The following P3H2 variants were observed in gnomAD, a reference collection of about 807,000 sequenced individuals.
P3H2 encodes prolyl 3-hydroxylase 2.
Under a neutral mutation model 87.0 loss-of-function variants are expected in P3H2, and 80 were observed. The ratio of observed to expected loss-of-function variants is 0.92; its 90% confidence interval spans 0.77 to 1.11. The LOEUF is 1.11. Among genes scored for constraint, P3H2 ranks in the 50% least tolerant of loss-of-function variants. P3H2 has a pLI of 0.00. For missense variants in P3H2, 1,001 were observed against 923.9 expected, an observed-to-expected ratio of 1.08 and a Z score of -1.08; for synonymous variants, 367 against 359.3, an observed-to-expected ratio of 1.02 and a Z score of -0.24.
chr3:190,118,742 T>TG (rs924346018), intron 1 of P3H2, among the ~76,000 whole-genome samples: 4 of 152,010 alleles, frequency 2.6e-5, no homozygotes, highest in African/African-American at 9.7e-5. Context: ...AGAGATCTTG[T>TG]GGGATGAGCT....
chr3:190,002,423 T>A (rs1358907864), intron 1 of P3H2, among the ~76,000 whole-genome samples: 1 of 150,840 alleles, frequency 6.6e-6, no homozygotes, highest in African/African-American at 2.4e-5. Flanking sequence ...TTTTTTTGAG[T>A]TGGAATCTCG....
At chr3:189,969,680 T>C in intron 13 of P3H2, 2 of 1,274,836 alleles carry the variant, frequency 1.6e-6, no homozygotes, top group Non-Finnish European at 2.3e-6. Context: ...CTGCCTCCCA[T>C]GCCTTGCAAG....
chr3:190,114,336 A>T (rs995393299), intron 1 of P3H2, among the ~76,000 whole-genome samples: 24 of 151,024 alleles, frequency 1.6e-4, no homozygotes, highest in East Asian at 4.0e-4. Flanking sequence ...GGCGCCTGCC[A>T]CCACGCCCGC....
At chr3:189,970,276 G>GTATATATA (rs1157145895) in intron 13 of P3H2, among the ~76,000 whole-genome samples, 2 of 135,646 alleles carry the variant, frequency 1.5e-5, no homozygotes, top group Non-Finnish European at 3.1e-5. Context: ...TTATATGTGT[G>GTATATATA]TATATATATT....
At chr3:190,103,895 G>A (rs545366852) in intron 1 of P3H2, among the ~76,000 whole-genome samples, 18 of 152,030 alleles carry the variant, frequency 1.2e-4, no homozygotes, top group African/African-American at 3.6e-4. Context: ...AGGTTCAACC[G>A]ATTCTCGTGC....
chr3:190,080,353 G>A (rs1163308261), intron 1 of P3H2, among the ~76,000 whole-genome samples: 3 of 152,162 alleles, frequency 2.0e-5, no homozygotes, highest in Admixed American at 6.6e-5. Context: ...ATCTGATCAT[G>A]TTGGCATAGC....
intron 1 of P3H2, among the ~76,000 whole-genome samples, chr3:190,064,477 C>T (rs1726435630): frequency 6.6e-6 from 1 of 151,994 alleles, no homozygotes; most frequent in Non-Finnish European, 1.5e-5. Flanking sequence ...CTGAAGTCGA[C>T]AGGTTTAAGC....
chr3:189,995,321 T>C lies in P3H2; in HGVS notation c.602A>G (p.Gln201Arg), dbSNP rs763378470. The C allele has an allele frequency of 5.0e-6, 8 of 1,614,144 alleles. No individual in the cohort carries two copies. Among genetic ancestry groups the C allele is most frequent in the Non-Finnish European group, 6.8e-6 (8 of 1,180,030 alleles). Residue 201 changes from glutamine to arginine, a missense_variant, in exon 2 of 15, where the codon CAG (glutamine) becomes CGG (arginine). Coordinates refer to ENST00000319332, the MANE Select transcript of P3H2 (RefSeq NM_018192.4). ...YRATAGVEAL[Q>R]LVDREAKPHM... ...TGGCTTGGCTTCTCTGTCTACCAACTGCAATGCTTCAACACCAGCTGTCGC... is the reference window on the plus strand; with the variant it reads ...TGGCTTGGCTTCTCTGTCTACCAACCGCAATGCTTCAACACCAGCTGTCGC...
At chr3:190,005,583 T>G (rs1008259026) in intron 1 of P3H2, among the ~76,000 whole-genome samples, 2 of 152,228 alleles carry the variant, frequency 1.3e-5, no homozygotes, top group Non-Finnish European at 2.9e-5. Flanking sequence ...CTGTGAGCAA[T>G]GCAAGAAAAG....
intron 1 of P3H2, among the ~76,000 whole-genome samples, chr3:190,054,692 T>A (rs1343565343): frequency 6.6e-6 from 1 of 152,104 alleles, no homozygotes; most frequent in African/African-American, 2.4e-5. Flanking sequence ...TTTTCACCCA[T>A]TCATCCACAC....
At chr3:190,000,670 C>G (rs1166200898) in intron 1 of P3H2, among the ~76,000 whole-genome samples, 6 of 152,084 alleles carry the variant, frequency 3.9e-5, no homozygotes, top group African/African-American at 1.4e-4. Context: ...GAAGGGCATT[C>G]CAGGCCAAAG....
chr3:190,005,903 T>G (rs538025361), intron 1 of P3H2, among the ~76,000 whole-genome samples: 4 of 152,300 alleles, frequency 2.6e-5, no homozygotes, highest in African/African-American at 9.6e-5. Context: ...AAAGAGATGG[T>G]TTTCATGATA....
intron 1 of P3H2, among the ~76,000 whole-genome samples, chr3:190,093,136 A>G (rs1451842110): frequency 1.3e-5 from 2 of 152,230 alleles, no homozygotes; most frequent in African/African-American, 4.8e-5. Flanking sequence ...TCTAAGAAAT[A>G]ATACTAAGCA....
intron 1 of P3H2, among the ~76,000 whole-genome samples, chr3:190,095,694 G>A (rs1475218619): frequency 1.3e-5 from 2 of 150,852 alleles, no homozygotes; most frequent in African/African-American, 4.9e-5. Flanking sequence ...TCCGCCTCCC[G>A]GGTTCACGCC....
intron 1 of P3H2, among the ~76,000 whole-genome samples, chr3:190,086,468 ATTCC>A (rs1727214507): frequency 6.6e-6 from 1 of 152,206 alleles, no homozygotes; most frequent in Non-Finnish European, 1.5e-5. Flanking sequence ...GTTCTGCTGG[ATTCC>A]TTACCCTGCA....
intron 1 of P3H2, among the ~76,000 whole-genome samples, chr3:190,028,272 G>T (rs1272023193): frequency 2.0e-5 from 3 of 152,136 alleles, no homozygotes; most frequent in Non-Finnish European, 4.4e-5. Flanking sequence ...CTCAACTGGG[G>T]AATAATTTTT....
At chr3:190,106,339 T>G (rs1161697772) in intron 1 of P3H2, among the ~76,000 whole-genome samples, 1 of 152,176 alleles carries the variant, frequency 6.6e-6, no homozygotes, top group Non-Finnish European at 1.5e-5. Flanking sequence ...AAGTCTGTGC[T>G]ACAGTGCGCA....
At chr3:190,044,804 A>G (rs1224779525) in intron 1 of P3H2, among the ~76,000 whole-genome samples, 1 of 152,196 alleles carries the variant, frequency 6.6e-6, no homozygotes, top group African/African-American at 2.4e-5. Context: ...AGGTAAGGCT[A>G]TTGTCACTAT....
intron 1 of P3H2, among the ~76,000 whole-genome samples, chr3:190,110,240 A>G (rs1712019084): frequency 6.6e-6 from 1 of 152,118 alleles, no homozygotes; most frequent in Non-Finnish European, 1.5e-5. Flanking sequence ...ATATATGGAG[A>G]CATTTTTTGT....
Sources: gnomAD v4.1 joint callset for allele counts (sites outside exome capture counted in the v4.1 genomes callset) on GRCh38, gnomAD v4.1.1 for gene constraint, MANE v1.5 for transcripts, NCBI Gene and HGNC (gene_info 2026-07-23, HGNC 2026-07-21) for gene names.